Variants in BRINP1 observed in about 807,000 individuals in gnomAD.
BRINP1 encodes BMP/retinoic acid inducible neural specific 1, also known as BMP/retinoic acid-inducible neural-specific protein 1.
A neutral mutation model predicts 72.9 loss-of-function variants in BRINP1; 17 were observed. The ratio of observed to expected loss-of-function variants is 0.23; its 90% CI spans 0.16 to 0.35. The LOEUF is 0.35. BRINP1 is among the 10% of genes least tolerant of loss of function. The pLI is 1.00. For synonymous variants in BRINP1, 418 were observed against 378.5 expected (o/e 1.10, Z -1.21); for missense variants, 850 against 1,001.6 (o/e 0.85, Z 2.04).
At chr9:119,306,055 A>T (rs1034756312) in intron 2 of BRINP1, among the ~76,000 whole-genome samples, 22 of 152,204 alleles carry the variant, frequency 1.4e-4, no homozygotes, top group Middle Eastern at 3.4e-3. Context: ...CTATCTTTAG[A>T]TCAGTTTAAA....
intron 7 of BRINP1, among the ~76,000 whole-genome samples, chr9:119,177,382 C>T (rs754738886): frequency 6.6e-6 from 1 of 152,110 alleles, no homozygotes; most frequent in African/African-American, 2.4e-5. Flanking sequence ...AGAACATTGA[C>T]TGAATATTGG....
chr9:119,258,874 T>G (rs998941444), intron 2 of BRINP1, among the ~76,000 whole-genome samples: 19 of 152,170 alleles, frequency 1.2e-4, no homozygotes, highest in South Asian at 1.0e-3. Context: ...CCCAGAGCAG[T>G]GAAGGCCACT....
intron 1 of BRINP1, among the ~76,000 whole-genome samples, chr9:119,342,976 T>A (rs1471212958): frequency 6.6e-6 from 1 of 152,232 alleles, no homozygotes; most frequent in Non-Finnish European, 1.5e-5. Flanking sequence ...AGTTTATAGA[T>A]TTATAAAATA....
intron 1 of BRINP1, among the ~76,000 whole-genome samples, chr9:119,364,487 T>C (rs1831670382): frequency 6.6e-6 from 1 of 152,228 alleles, no homozygotes; most frequent in Non-Finnish European, 1.5e-5. Flanking sequence ...CAGTGACTCA[T>C]GACACCTTCA....
At position 119,167,512 on chromosome 9, in the gene BRINP1, G is replaced by C; in HGVS notation, c.1858C>G (p.Arg620Gly). 1 of 1,614,136 alleles carries C rather than the reference G, an allele frequency of 6.2e-7. No homozygotes were observed. The highest frequency in any genetic ancestry group is 8.5e-7 in the Non-Finnish European group (1 of 1,180,008). ...TFFETVHIYL[R>G]SRTRLPTLLR... is the part of the protein sequence containing the mutation. Reference sequence around the variant, plus strand: ...AGGGTAGGTAGCCGAGTCCGACTACGTAGGTAGATGTGGACCGTCTCGAAA... The same window carrying C: ...AGGGTAGGTAGCCGAGTCCGACTACCTAGGTAGATGTGGACCGTCTCGAAA... Residue 620 changes from arginine (R) to glycine (G), a missense_variant, in exon 8 of 8, where the codon CGT becomes GGT. Coordinates refer to ENST00000265922, the MANE Select transcript of BRINP1 (RefSeq NM_014618.3). This position sits in a 1 kb window ranked among gnomAD's most constrained non-coding sequence, Gnocchi z 4.3.
intron 2 of BRINP1, among the ~76,000 whole-genome samples, chr9:119,265,119 C>T (rs1043452898): frequency 1.3e-5 from 2 of 152,152 alleles, no homozygotes; most frequent in Non-Finnish European, 2.9e-5. Flanking sequence ...AAAACTCATT[C>T]CCTACTCTCT....
At chr9:119,266,104 C>T (rs1830545715) in intron 2 of BRINP1, among the ~76,000 whole-genome samples, 1 of 152,074 alleles carries the variant, frequency 6.6e-6, no homozygotes, top group Non-Finnish European at 1.5e-5. Flanking sequence ...TGGTAAGTCT[C>T]ATGGAAAAAA....
chr9:119,242,318 A>C, intron 3 of BRINP1, 102 bp from the exon 4 acceptor site: 1 of 908,228 alleles, frequency 1.1e-6, no homozygotes, highest in Non-Finnish European at 1.7e-6. Flanking sequence ...TCTCCAACCA[A>C]TGTGGCCCAT....
chr9:119,189,427 C>T (rs1469192915), intron 7 of BRINP1, among the ~76,000 whole-genome samples: 1 of 151,960 alleles, frequency 6.6e-6, no homozygotes, highest in African/African-American at 2.4e-5. Flanking sequence ...TATAAGAGAC[C>T]CATTTTAGCT....
chr9:119,224,453 G>C (rs918271043), intron 5 of BRINP1, among the ~76,000 whole-genome samples: 1 of 151,976 alleles, frequency 6.6e-6, no homozygotes, highest in African/African-American at 2.4e-5. Context: ...ATACATATTA[G>C]CACAGTCAAG....
intron 2 of BRINP1, among the ~76,000 whole-genome samples, chr9:119,312,818 A>G (rs900726045): frequency 6.6e-6 from 1 of 152,196 alleles, no homozygotes; most frequent in African/African-American, 2.4e-5. Flanking sequence ...TGATGACCTA[A>G]TTTGTAAAGT....
At chr9:119,183,989 G>T (rs948804901) in intron 7 of BRINP1, among the ~76,000 whole-genome samples, 2 of 151,970 alleles carry the variant, frequency 1.3e-5, no homozygotes, top group Non-Finnish European at 2.9e-5. Flanking sequence ...AAAAGAAGCA[G>T]TCCATAGAAA....
At chr9:119,218,672 G>T (rs541684272) in intron 5 of BRINP1, among the ~76,000 whole-genome samples, 57 of 151,668 alleles carry the variant, frequency 3.8e-4, no homozygotes, top group Admixed American at 1.7e-3. Context: ...AGGGTGACCT[G>T]GCTTACAACC....
intron 7 of BRINP1, among the ~76,000 whole-genome samples, chr9:119,185,485 T>G (rs1029525043): frequency 6.6e-6 from 1 of 152,146 alleles, no homozygotes; most frequent in African/African-American, 2.4e-5. Flanking sequence ...AGGCTTGTGG[T>G]CAGCAAGATG....
intron 5 of BRINP1, among the ~76,000 whole-genome samples, chr9:119,237,756 G>T (rs980227980): frequency 1.3e-5 from 2 of 151,936 alleles, no homozygotes; most frequent in African/African-American, 4.8e-5. Flanking sequence ...CGGCCTCCTG[G>T]GTTCAAACGA....
At chr9:119,343,203 G>A (rs1564253117) in intron 1 of BRINP1, among the ~76,000 whole-genome samples, 1 of 152,222 alleles carries the variant, frequency 6.6e-6, no homozygotes, top group Non-Finnish European at 1.5e-5. Context: ...TGTGACGGGA[G>A]AAGGACCCAC....
intron 2 of BRINP1, among the ~76,000 whole-genome samples, chr9:119,292,406 G>C (rs925821621): frequency 6.6e-6 from 1 of 152,128 alleles, no homozygotes; most frequent in Non-Finnish European, 1.5e-5. Flanking sequence ...CCATTCACTT[G>C]TCTGTCACTA....
chr9:119,338,424 A>G (rs572932102), intron 1 of BRINP1, among the ~76,000 whole-genome samples: 2 of 151,980 alleles, frequency 1.3e-5, no homozygotes, highest in East Asian at 3.9e-4. Flanking sequence ...ACTTGTTGAA[A>G]GATGCAGGGA....
intron 7 of BRINP1, among the ~76,000 whole-genome samples, chr9:119,202,841 C>T (rs762035215): frequency 3.9e-5 from 6 of 152,132 alleles, no homozygotes; most frequent in Admixed American, 2.6e-4. Context: ...AAGCACTGGG[C>T]GCTGGAGTGG....
Sources: allele counts gnomAD v4.1 joint callset (sites outside exome capture counted in the v4.1 genomes callset), GRCh38; gene constraint gnomAD v4.1.1; non-coding constraint Gnocchi (gnomAD v3.1); transcripts MANE v1.5; gene names NCBI Gene and HGNC (gene_info 2026-07-23, HGNC 2026-07-21).